The following SLC22A3 variants were observed in gnomAD, a reference collection of about 807,000 sequenced individuals.
SLC22A3 encodes the protein solute carrier family 22 member 3.
SLC22A3 carries 51 observed loss-of-function variants against 59.1 expected under a neutral mutation model. That is an observed-to-expected ratio of 0.86 (90% confidence interval 0.69 to 1.09). The LOEUF (loss-of-function observed/expected upper bound fraction) is 1.09, where lower values mean the gene tolerates loss of function less well. Ranked by LOEUF, SLC22A3 falls within the 50% of genes least tolerant of loss-of-function variation. The pLI is 0.00. For missense variants in SLC22A3, 711 were observed against 726.3 expected, an observed-to-expected ratio of 0.98 and a Z score of 0.24; for synonymous variants, 325 against 292.0, an observed-to-expected ratio of 1.11 and a Z score of -1.15.
intron 3 of SLC22A3, 80 bp downstream of exon 3, chr6:160,407,275 C>G: frequency 7.1e-7 from 1 of 1,413,730 alleles, no homozygotes; most frequent in Non-Finnish European, 9.6e-7. Flanking sequence ...CAACCTTCCT[C>G]TTCCTCATGT....
At chr6:160,410,153 A>T (rs998601003) in intron 4 of SLC22A3, among the ~76,000 whole-genome samples, 2 of 152,198 alleles carry the variant, frequency 1.3e-5, no homozygotes, top group African/African-American at 4.8e-5. Context: ...AGTAGCTGGG[A>T]TTACAGGCAT....
At position 160,348,797 on chromosome 6, in the gene SLC22A3, G is replaced by A; in HGVS notation, c.378G>A (p.Pro126=). ...CCAACCGCTCGGCTCCCCTTGTGCC[G>A]TGCCGCGGCGGCTGGCGCTACGCCC... is the stretch of plus-strand genomic sequence containing the variant. The part of the protein sequence containing the change: ...AFPNRSAPLV[P]CRGGWRYAQA... Residue 126 remains proline, a synonymous_variant, in exon 1 of 11, where the codon CCG becomes CCA. Transcript: ENST00000275300. 3.2e-6 allele frequency: 5 copies of A among 1,576,926 alleles called. No homozygotes were observed. The highest frequency in any genetic ancestry group is 4.3e-6 in the Non-Finnish European group (5 of 1,169,584).
At chr6:160,418,137 G>C in intron 5 of SLC22A3, among the ~76,000 whole-genome samples, 1 of 152,186 alleles carries the variant, frequency 6.6e-6, no homozygotes, top group Non-Finnish European at 1.5e-5. Context: ...TGAGTCAGTG[G>C]ACTGGGAGAG....
intron 5 of SLC22A3, among the ~76,000 whole-genome samples, chr6:160,433,823 C>T (rs1788244383): frequency 1.3e-5 from 2 of 152,124 alleles, no homozygotes; most frequent in African/African-American, 4.8e-5. Flanking sequence ...GAACTGGAAA[C>T]TTGAGTGAGA....
At chr6:160,353,005 G>C (rs535744532) in intron 1 of SLC22A3, among the ~76,000 whole-genome samples, 1 of 152,174 alleles carries the variant, frequency 6.6e-6, no homozygotes, top group African/African-American at 2.4e-5. Context: ...ATTTTTAGTA[G>C]AGACAGGGTT....
intron 1 of SLC22A3, among the ~76,000 whole-genome samples, chr6:160,388,139 A>T (rs148429294): frequency 6.6e-6 from 1 of 152,306 alleles, no homozygotes; most frequent in East Asian, 1.9e-4. Flanking sequence ...GCACCATGTG[A>T]TCATGAATAT....
At chr6:160,414,266 A>G (rs904680420) in intron 5 of SLC22A3, among the ~76,000 whole-genome samples, 1 of 152,222 alleles carries the variant, frequency 6.6e-6, no homozygotes, top group African/African-American at 2.4e-5. Flanking sequence ...CCAAATGACA[A>G]TATTCTCATC....
intron 1 of SLC22A3, 42 bp from the exon 2 acceptor site, chr6:160,397,937 C>A (rs966794169): frequency 7.1e-7 from 1 of 1,416,234 alleles, no homozygotes; most frequent in Non-Finnish European, 1.0e-6. Context: ...TGAAGATCTG[C>A]ATTCTGGCAT....
intron 1 of SLC22A3, among the ~76,000 whole-genome samples, chr6:160,379,313 C>T (rs950095708): frequency 6.6e-6 from 1 of 152,180 alleles, no homozygotes; most frequent in African/African-American, 2.4e-5. Context: ...ACTGCTCCTG[C>T]TCCTTACATG....
At chr6:160,403,037 G>A (rs905408693) in intron 2 of SLC22A3, among the ~76,000 whole-genome samples, 8 of 151,282 alleles carry the variant, frequency 5.3e-5, no homozygotes, top group Admixed American at 3.3e-4. Flanking sequence ...AATACAAATT[G>A]GAGCAGAAAT....
intron 1 of SLC22A3, among the ~76,000 whole-genome samples, chr6:160,384,329 A>T (rs979592061): frequency 2.0e-5 from 3 of 152,238 alleles, no homozygotes; most frequent in African/African-American, 7.2e-5. Flanking sequence ...TTGTATATAC[A>T]TAAATTCGGG....
chr6:160,443,420 C>A (rs2114925347), intron 8 of SLC22A3, among the ~76,000 whole-genome samples: 1 of 152,314 alleles, frequency 6.6e-6, no homozygotes, highest in South Asian at 2.1e-4. Flanking sequence ...ACACCCTCCA[C>A]CCACGCTGGA....
intron 6 of SLC22A3, 31 bp from the exon 7 acceptor site, chr6:160,436,966 T>C: frequency 1.2e-6 from 2 of 1,613,578 alleles, no homozygotes; most frequent in Admixed American, 1.7e-5. Context: ...ATCTCTTACT[T>C]GTTCTCTGGT....
At chr6:160,390,275 G>A (rs1786200784) in intron 1 of SLC22A3, among the ~76,000 whole-genome samples, 1 of 152,068 alleles carries the variant, frequency 6.6e-6, no homozygotes, top group Non-Finnish European at 1.5e-5. Flanking sequence ...AGGAAGAGGG[G>A]GGAAAGCAAG....
At chr6:160,445,939 A>G (rs550256339) in intron 9 of SLC22A3, among the ~76,000 whole-genome samples, 1 of 152,198 alleles carries the variant, frequency 6.6e-6, no homozygotes, top group Non-Finnish European at 1.5e-5. Context: ...CTTGGGATGA[A>G]GAGCTGGAAG....
chr6:160,385,673 G>A (rs889248006), intron 1 of SLC22A3, among the ~76,000 whole-genome samples: 13 of 152,300 alleles, frequency 8.5e-5, no homozygotes, highest in African/African-American at 3.1e-4. Context: ...GCCTTCCTCT[G>A]CCTTCCAGCC....
Position 160,436,943 on chromosome 6 carries a change from T to C in SLC22A3, c.1074-54T>C. ...TTTACAATACATCCCTTCCTTCAAA[T>C]CAGCTTGAAGTTATCTCTTACTTGT... On this transcript the variant is annotated intron_variant, in intron 6 of 10. Coordinates refer to ENST00000275300, the MANE Select transcript of SLC22A3 (RefSeq NM_021977.4). 2.5e-6 allele frequency: 4 copies of C among 1,609,904 alleles called. No individual in the cohort carries two copies. The South Asian group carries it at 4.4e-5, about 18-fold the overall frequency.
chr6:160,387,687 C>T (rs1322685883), intron 1 of SLC22A3, among the ~76,000 whole-genome samples: 1 of 151,978 alleles, frequency 6.6e-6, no homozygotes, highest in East Asian at 1.9e-4. Flanking sequence ...TGACTGTTTG[C>T]CAGCCCCATC....
intron 5 of SLC22A3, among the ~76,000 whole-genome samples, chr6:160,426,827 A>G (rs1172346811): frequency 6.6e-6 from 1 of 152,192 alleles, no homozygotes; most frequent in Non-Finnish European, 1.5e-5. Flanking sequence ...AAGGCCTAGA[A>G]GCGGATCCCT....
Sources: allele counts gnomAD v4.1 joint callset (sites outside exome capture counted in the v4.1 genomes callset), GRCh38; gene constraint gnomAD v4.1.1; transcripts MANE v1.5; gene names NCBI Gene and HGNC (gene_info 2026-07-23, HGNC 2026-07-21).